FIP1L1: variants seen among roughly 807,000 people sequenced by gnomAD.
FIP1L1 encodes pre-mRNA 3'-end-processing factor FIP1.
In FIP1L1, 21 loss-of-function variants were observed where a neutral mutation model predicts 84.6. The ratio of observed to expected loss-of-function variants is 0.25; its 90% CI spans 0.18 to 0.36. The LOEUF (loss-of-function observed/expected upper bound fraction) is 0.36, where lower values mean the gene tolerates loss of function less well. FIP1L1 is among the 10% of genes least tolerant of loss of function. FIP1L1 has a pLI of 1.00. For synonymous variants in FIP1L1, 263 were observed against 242.3 expected (o/e 1.09, Z -0.80); for missense variants, 526 against 751.1 (o/e 0.70, Z 3.50).
intron 1 of FIP1L1, chr4:53,378,138 T>G: frequency 1.2e-5 from 5 of 428,294 alleles, no homozygotes; most frequent in Admixed American, 4.4e-5. Context: ...TCCACCCCTG[T>G]GGCGGCCGGG....
intron 10 of FIP1L1, among the ~76,000 whole-genome samples, chr4:53,411,213 T>C (rs556650658): frequency 3.0e-4 from 46 of 152,236 alleles, no homozygotes; most frequent in Admixed American, 1.2e-3. Flanking sequence ...GATGGGCCAT[T>C]GGCTAAGAAG....
At chr4:53,422,774 G>A (rs1271294771) in intron 11 of FIP1L1, among the ~76,000 whole-genome samples, 1 of 151,696 alleles carries the variant, frequency 6.6e-6, no homozygotes, top group Non-Finnish European at 1.5e-5. Flanking sequence ...GAGTGCAGTG[G>A]CACAATCACA....
chr4:53,430,341 C>CTTTTTTTTT lies in FIP1L1; in HGVS notation c.1174+2174_1174+2182dup, dbSNP rs376793476. 7.9e-5 allele frequency among the ~76,000 whole-genome samples: 6 copies of CTTTTTTTTT among 75,802 alleles called. 1 individual carries two copies. Among genetic ancestry groups the CTTTTTTTTT allele is most frequent in the Non-Finnish European group, 1.2e-4 (5 of 42,614 alleles). The allele number at this position is 75,802 out of a possible 152,430, so 49.7% of individuals were successfully genotyped here. ...ACTTTTTTTCAAAATGATAAAATTA[C>CTTTTTTTTT]TTTTTTTTTTTTTTTTTTTTTTTTG... On this transcript the variant is annotated intron_variant, in intron 13 of 17. Coordinates refer to ENST00000337488, the MANE Select transcript of FIP1L1 (RefSeq NM_030917.4).
intron 13 of FIP1L1, among the ~76,000 whole-genome samples, chr4:53,435,180 G>A (rs1276675888): frequency 1.3e-5 from 2 of 152,070 alleles, no homozygotes. Flanking sequence ...TCAAAACAGA[G>A]AGCAATGCTA....
intron 11 of FIP1L1, among the ~76,000 whole-genome samples, chr4:53,423,208 C>T (rs1271114834): frequency 6.6e-6 from 1 of 152,066 alleles, no homozygotes; most frequent in African/African-American, 2.4e-5. Flanking sequence ...GGTAGAGGCT[C>T]TTGGGAACAT....
At chr4:53,458,511 A>T in intron 16 of FIP1L1, 142 bp from the exon 17 acceptor site, 1 of 669,620 alleles carries the variant, frequency 1.5e-6, no homozygotes, top group Non-Finnish European at 2.4e-6. Context: ...AATTCAACGA[A>T]TATTTCTTCC....
chr4:53,403,340 G>C (rs541817814), intron 10 of FIP1L1, among the ~76,000 whole-genome samples: 16 of 152,258 alleles, frequency 1.1e-4, no homozygotes, highest in African/African-American at 3.9e-4. Flanking sequence ...TTTTGAGAGA[G>C]ACCACATTCA....
At chr4:53,380,411 G>T (rs1737199842) in intron 3 of FIP1L1, among the ~76,000 whole-genome samples, 1 of 152,214 alleles carries the variant, frequency 6.6e-6, no homozygotes, top group South Asian at 2.1e-4. Context: ...AGAGTTGGGT[G>T]AGTGATTGCT....
intron 10 of FIP1L1, among the ~76,000 whole-genome samples, chr4:53,408,644 G>A (rs533561962): frequency 8.5e-5 from 13 of 152,322 alleles, no homozygotes; most frequent in Non-Finnish European, 1.8e-4. Context: ...ATCAGATGTA[G>A]ATTTGGTCTT....
chr4:53,426,324 G>A (rs746232980), intron 12 of FIP1L1, among the ~76,000 whole-genome samples: 4 of 152,050 alleles, frequency 2.6e-5, no homozygotes, highest in African/African-American at 7.2e-5. Flanking sequence ...TGAAATTTAT[G>A]TTTCATAAAT....
intron 12 of FIP1L1, among the ~76,000 whole-genome samples, chr4:53,427,459 CT>C (rs933058933): frequency 2.0e-5 from 3 of 152,136 alleles, no homozygotes; most frequent in African/African-American, 7.2e-5. Flanking sequence ...AGAATAAACC[CT>C]GGTCTTAAAG....
At chr4:53,435,116 TG>T (rs1409888325) in intron 13 of FIP1L1, among the ~76,000 whole-genome samples, 1 of 152,240 alleles carries the variant, frequency 6.6e-6, no homozygotes, top group East Asian at 1.9e-4. Context: ...TATTTATTCT[TG>T]TGTTTTTCTA....
At chr4:53,446,853 C>T (rs1774394234) in intron 15 of FIP1L1, among the ~76,000 whole-genome samples, 1 of 152,100 alleles carries the variant, frequency 6.6e-6, no homozygotes, top group Non-Finnish European at 1.5e-5. Context: ...AACTTTTTCT[C>T]AAGGTAATAC....
intron 13 of FIP1L1, among the ~76,000 whole-genome samples, chr4:53,437,355 A>G (rs1769819005): frequency 7.2e-6 from 1 of 138,076 alleles, no homozygotes; most frequent in South Asian, 2.4e-4. Context: ...AAAAAAAAAG[A>G]GAGAGAAATC....
chr4:53,415,969 T>A (rs1298386648), intron 11 of FIP1L1, among the ~76,000 whole-genome samples: 1 of 152,244 alleles, frequency 6.6e-6, no homozygotes, highest in African/African-American at 2.4e-5. Flanking sequence ...ATTGATTTTT[T>A]AAATCTATGT....
chr4:53,440,310 A>C (rs1274767668), intron 13 of FIP1L1, among the ~76,000 whole-genome samples: 1 of 152,010 alleles, frequency 6.6e-6, no homozygotes, highest in Non-Finnish European at 1.5e-5. Context: ...TTGTGTGTGC[A>C]TAAGTGTGCT....
rs756579915 is a variant in FIP1L1, at chr4:53,444,154, T to C, written c.1285+51T>C. Reference sequence around the variant, plus strand: ...GATTCAGTTTGAATCAGTAAAGTACTTGAATATTTTTAAAGCAATAAAAAC... The same window carrying C: ...GATTCAGTTTGAATCAGTAAAGTACCTGAATATTTTTAAAGCAATAAAAAC... On this transcript the variant is annotated intron_variant, in intron 15 of 17. Transcript: ENST00000337488. 3.4e-6 allele frequency: 4 copies of C among 1,174,480 alleles called. No homozygotes were observed. The South Asian group carries it at 5.0e-5, about 15-fold the overall frequency. The allele number at this position is 1,174,480 out of a possible 1,614,324, so 72.8% of individuals were successfully genotyped here. A position where few individuals can be genotyped will look rare whatever the true frequency, so the allele number is the denominator to read the frequency against.
chr4:53,434,294 G>A (rs2150108715), intron 13 of FIP1L1, among the ~76,000 whole-genome samples: 1 of 152,126 alleles, frequency 6.6e-6, no homozygotes, highest in East Asian at 1.9e-4. Flanking sequence ...AAAATTTAGT[G>A]GGAAGTGGTC....
intron 4 of FIP1L1, 149 bp from the exon 5 acceptor site, chr4:53,383,624 T>C: frequency 1.5e-6 from 1 of 672,718 alleles, no homozygotes; most frequent in South Asian, 2.0e-5. Flanking sequence ...ATCATGCCAC[T>C]GCACTCAAGC....
Sources: gnomAD v4.1 joint callset for allele counts (sites outside exome capture counted in the v4.1 genomes callset) on GRCh38, gnomAD v4.1.1 for gene constraint, MANE v1.5 for transcripts, NCBI Gene and HGNC (gene_info 2026-07-23, HGNC 2026-07-21) for gene names.